CD9: variants seen among roughly 807,000 people sequenced by gnomAD.
CD9 encodes the protein CD9 antigen.
In CD9, 10 loss-of-function variants were observed where a neutral mutation model predicts 31.4. The observed-to-expected ratio is 0.32, with a 90% CI of 0.20 to 0.54. The LOEUF is 0.54. CD9 is among the 20% of genes least tolerant of loss of function. CD9 has a pLI of 0.94. For synonymous variants in CD9, 113 were observed against 114.1 expected, an observed-to-expected ratio of 0.99 and a Z score of 0.06; for missense variants, 259 against 300.1, an observed-to-expected ratio of 0.86 and a Z score of 1.01.
In CD9 at chr12:6,238,142, G is replaced by T. The variant is rs1467049045; in HGVS notation, c.*314G>T. On this transcript the variant is annotated 3_prime_UTR_variant, in exon 8 of 8. Coordinates refer to ENST00000009180, the MANE Select transcript of CD9 (RefSeq NM_001769.4). ...ACTATATTTGCTAGACTCTAGACAA[G>T]ATATTGTACATAAAAGAATTTTTTT... The T allele has an allele frequency of 4.7e-6, 1 of 211,404 alleles. No homozygotes were observed. Among genetic ancestry groups the T allele is most frequent in the Non-Finnish European group, 9.6e-6 (1 of 104,102 alleles). The allele number at this position is 211,404 out of a possible 1,614,324, so 13.1% of individuals were successfully genotyped here. A position where few individuals can be genotyped will look rare whatever the true frequency, so the allele number is the denominator to read the frequency against.
At chr12:6,207,162 G>A (rs913120287) in intron 1 of CD9, among the ~76,000 whole-genome samples, 1 of 152,130 alleles carries the variant, frequency 6.6e-6, no homozygotes, top group Non-Finnish European at 1.5e-5. Flanking sequence ...GATCATAAAT[G>A]TGAGCCACCA....
intron 1 of CD9, 142 bp downstream of exon 1, chr12:6,200,707 C>T: frequency 1.8e-6 from 1 of 552,472 alleles, no homozygotes; most frequent in East Asian, 3.3e-5. Context: ...CGCCCTGCGG[C>T]TGCCAGCTGG....
At chr12:6,234,173 G>A (rs1370780663) in intron 4 of CD9, among the ~76,000 whole-genome samples, 1 of 151,788 alleles carries the variant, frequency 6.6e-6, no homozygotes, top group African/African-American at 2.4e-5. Flanking sequence ...CAAAGGGGCT[G>A]AGCATGGCTG....
At chr12:6,224,115 T>C (rs901960776) in intron 1 of CD9, among the ~76,000 whole-genome samples, 1 of 152,108 alleles carries the variant, frequency 6.6e-6, no homozygotes, top group African/African-American at 2.4e-5. Flanking sequence ...GCAGGGCTGG[T>C]GGGGCTTCAT....
chr12:6,225,419 C>T lies in CD9; in HGVS notation c.67-7C>T, dbSNP rs374764934. ...GAATTAATGCTGATGTCCTGTATGT[C>T]TTGCAGCTTGCCGGGATTGCTGTCC... On this transcript the variant is annotated splice_region_variant and splice_polypyrimidine_tract_variant and intron_variant, in intron 1 of 7. Coordinates refer to ENST00000009180, the MANE Select transcript of CD9 (RefSeq NM_001769.4). 5.6e-6 allele frequency: 9 copies of T among 1,595,098 alleles called. No individual in the cohort carries two copies. Among genetic ancestry groups the T allele is most frequent in the Non-Finnish European group, 7.7e-6 (9 of 1,162,744 alleles).
At chr12:6,217,888 C>T (rs1389093119) in intron 1 of CD9, among the ~76,000 whole-genome samples, 1 of 152,152 alleles carries the variant, frequency 6.6e-6, no homozygotes, top group Non-Finnish European at 1.5e-5. Context: ...TCTGGGCTTT[C>T]CAAGGCAGCT....
intron 2 of CD9, among the ~76,000 whole-genome samples, chr12:6,228,228 A>G (rs11568250): frequency 0.039 from 5,871 of 152,246 alleles, 333 homozygotes; most frequent in African/African-American, 0.13. Flanking sequence ...TGCACGGTAA[A>G]GTTAGAACAG....
chr12:6,223,635 C>T (rs976078563), intron 1 of CD9, among the ~76,000 whole-genome samples: 6 of 152,096 alleles, frequency 3.9e-5, no homozygotes, highest in African/African-American at 1.4e-4. Context: ...GAGTCAAGAC[C>T]GCCCAGTGTG....
At chr12:6,211,507 CTG>C (rs1946193722) in intron 1 of CD9, among the ~76,000 whole-genome samples, 1 of 152,168 alleles carries the variant, frequency 6.6e-6, no homozygotes, top group Non-Finnish European at 1.5e-5. Flanking sequence ...TGCTTGAAAA[CTG>C]TCAAGGAAGG....
intron 2 of CD9, among the ~76,000 whole-genome samples, chr12:6,228,743 C>T (rs569068791): frequency 6.6e-6 from 1 of 152,314 alleles, no homozygotes; most frequent in African/African-American, 2.4e-5. Context: ...TCTGTACTGG[C>T]CCAGAGCCCT....
intron 1 of CD9, among the ~76,000 whole-genome samples, chr12:6,216,552 C>T (rs41377748): frequency 9.5e-4 from 144 of 152,286 alleles, no homozygotes; most frequent in African/African-American, 3.3e-3. Flanking sequence ...AATTTGCCCA[C>T]GGAAGCAGTT....
chr12:6,202,558 C>T (rs1358958581), intron 1 of CD9, among the ~76,000 whole-genome samples: 1 of 152,220 alleles, frequency 6.6e-6, no homozygotes, highest in Non-Finnish European at 1.5e-5. Context: ...TGCCTCCCTA[C>T]CCCCATCTGC....
intron 1 of CD9, among the ~76,000 whole-genome samples, chr12:6,210,173 G>A (rs1182616442): frequency 1.3e-5 from 2 of 152,200 alleles, no homozygotes; most frequent in South Asian, 2.1e-4. Flanking sequence ...TGCTGGCAGG[G>A]TGGTTCTGGG....
At position 6,225,465 on chromosome 12, in the gene CD9, C is replaced by A. The variant is rs11539946; in HGVS notation, c.106C>A (p.Arg36=). 1.2e-6 allele frequency: 2 copies of A among 1,613,786 alleles called. No individual in the cohort carries two copies. Among genetic ancestry groups the A allele is most frequent in the Non-Finnish European group, 8.5e-7 (1 of 1,179,784 alleles). The change falls in exon 2 of 8, where the codon CGA becomes AGA. Residue 36 remains arginine (R), a synonymous_variant. Coordinates refer to ENST00000009180, the MANE Select transcript of CD9 (RefSeq NM_001769.4). ...IAVLAIGLWL[R]FDSQTKSIFE... is the part of the protein sequence containing the mutation. ...TGTCCTTGCCATTGGACTATGGCTC[C>A]GATTCGACTCTCAGACCAAGAGCAT...
chr12:6,205,735 C>CAAA (rs1946123650), intron 1 of CD9, among the ~76,000 whole-genome samples: 1 of 152,192 alleles, frequency 6.6e-6, no homozygotes, highest in African/African-American at 2.4e-5. Flanking sequence ...GACAAAGGCG[C>CAAA]CTTTTCTTCT....
chr12:6,233,817 T>TA (rs1163585164), intron 4 of CD9, among the ~76,000 whole-genome samples: 1 of 151,734 alleles, frequency 6.6e-6, no homozygotes, highest in African/African-American at 2.4e-5. Flanking sequence ...ACTCAGGAAA[T>TA]ACAGGCTTTC....
intron 1 of CD9, among the ~76,000 whole-genome samples, chr12:6,205,072 C>A (rs1270298544): frequency 6.6e-6 from 1 of 152,228 alleles, no homozygotes; most frequent in African/African-American, 2.4e-5. Context: ...AAAAGCCCCT[C>A]CCCATGGTCT....
At chr12:6,223,158 G>A (rs1336540210) in intron 1 of CD9, among the ~76,000 whole-genome samples, 4 of 152,106 alleles carry the variant, frequency 2.6e-5, no homozygotes, top group Non-Finnish European at 5.9e-5. Context: ...TCAGGTTAAC[G>A]CTTTTATGTC....
At chr12:6,211,714 A>G (rs906914447) in intron 1 of CD9, among the ~76,000 whole-genome samples, 7 of 152,216 alleles carry the variant, frequency 4.6e-5, no homozygotes, top group Admixed American at 6.5e-5. Flanking sequence ...ATCCAAAACA[A>G]TCCCCCACAT....
Sources: gnomAD v4.1 joint callset for allele counts (sites outside exome capture counted in the v4.1 genomes callset) on GRCh38, gnomAD v4.1.1 for gene constraint, MANE v1.5 for transcripts, NCBI Gene and HGNC (gene_info 2026-07-23, HGNC 2026-07-21) for gene names.